The following BANK1 variants were observed in gnomAD, a reference collection of about 807,000 sequenced individuals.
BANK1 encodes the protein B-cell scaffold protein with ankyrin repeats.
In BANK1, 95 loss-of-function variants were observed where a neutral mutation model predicts 94.5. The ratio of observed to expected loss-of-function variants is 1.00; its 90% CI spans 0.85 to 1.19. The LOEUF is 1.19. BANK1 is among the 50% of genes most tolerant of loss of function. The pLI is 0.00. For synonymous variants in BANK1, 334 were observed against 308.4 expected (o/e 1.08, Z -0.87); for missense variants, 987 against 932.2 (o/e 1.06, Z -0.77).
At chr4:102,054,750 G>A (rs1159899255) in intron 11 of BANK1, among the ~76,000 whole-genome samples, 3 of 151,104 alleles carry the variant, frequency 2.0e-5, no homozygotes, top group Admixed American at 2.0e-4. Context: ...ATAGTAAACT[G>A]TGAAAATGGG....
In BANK1 at chr4:101,814,174, CAGTT is replaced by C. The variant is rs575095391; in HGVS notation, c.71-15627_71-15624del. On this transcript the variant is annotated intron_variant, in intron 1 of 16. Coordinates refer to ENST00000322953, the MANE Select transcript of BANK1 (RefSeq NM_017935.5). Reference sequence around the variant, plus strand: ...TGTAATTAATTGCAAGATCTCATTGCAGTTAGTTAGGAGTGTATTTATTACATCC... The same window carrying C: ...TGTAATTAATTGCAAGATCTCATTGCAGTTAGGAGTGTATTTATTACATCC... Among the ~76,000 whole-genome samples, 373 of 152,268 alleles carry C rather than the reference CAGTT, an allele frequency of 2.4e-3. 1 individual carries two copies. The highest frequency in any genetic ancestry group is 8.5e-3 in the African/African-American group (353 of 41,552).
chr4:101,851,092 T>C (rs1462846704), intron 2 of BANK1, among the ~76,000 whole-genome samples: 1 of 152,124 alleles, frequency 6.6e-6, no homozygotes, highest in Non-Finnish European at 1.5e-5. Context: ...TAAAAGCCAA[T>C]ATAGGTAGAA....
intron 15 of BANK1, among the ~76,000 whole-genome samples, chr4:102,073,043 A>AG (rs1419477305): frequency 6.6e-6 from 1 of 152,058 alleles, no homozygotes; most frequent in Non-Finnish European, 1.5e-5. Flanking sequence ...AAAATCCTGA[A>AG]TTAGAGTCTT....
chr4:101,818,918 G>C (rs1726027652), intron 1 of BANK1, among the ~76,000 whole-genome samples: 1 of 146,674 alleles, frequency 6.8e-6, no homozygotes, highest in Non-Finnish European at 1.5e-5. Context: ...GGATTCGACA[G>C]TTTCAGATAC....
At chr4:102,020,680 G>A (rs889799781) in intron 7 of BANK1, among the ~76,000 whole-genome samples, 22 of 151,982 alleles carry the variant, frequency 1.4e-4, no homozygotes, top group African/African-American at 4.8e-4. Flanking sequence ...ATTTTTGAAG[G>A]GACATTTCAA....
chr4:102,020,208 T>C (rs141952194), intron 7 of BANK1, among the ~76,000 whole-genome samples: 3,793 of 152,100 alleles, frequency 0.025, 63 homozygotes, highest in Non-Finnish European at 0.038. Context: ...GTTTTGGGAG[T>C]ACTATGGGTT....
chr4:101,901,774 T>G (rs1722294822), intron 6 of BANK1, among the ~76,000 whole-genome samples: 1 of 151,590 alleles, frequency 6.6e-6, no homozygotes, highest in Non-Finnish European at 1.5e-5. Context: ...TTTTTGTTTT[T>G]TTTTGAAACA....
chr4:101,842,463 C>A (rs536419601), intron 2 of BANK1, among the ~76,000 whole-genome samples: 1 of 152,258 alleles, frequency 6.6e-6, no homozygotes, highest in African/African-American at 2.4e-5. Flanking sequence ...TAGTACTATT[C>A]TCATTTTTAA....
At chr4:101,959,103 T>C (rs1724474855) in intron 7 of BANK1, among the ~76,000 whole-genome samples, 3 of 152,004 alleles carry the variant, frequency 2.0e-5, no homozygotes, top group South Asian at 2.1e-4. Flanking sequence ...TACTAAAAAC[T>C]ATTATTATTC....
chr4:101,881,775 T>A (rs1419534692), intron 5 of BANK1, among the ~76,000 whole-genome samples: 2 of 152,200 alleles, frequency 1.3e-5, no homozygotes, highest in East Asian at 3.9e-4. Flanking sequence ...ACAACATGGA[T>A]AGAACTGGAG....
chr4:101,967,061 G>A (rs555472274), intron 7 of BANK1, among the ~76,000 whole-genome samples: 3 of 152,200 alleles, frequency 2.0e-5, no homozygotes, highest in Admixed American at 6.6e-5. Context: ...CGTTAATTGA[G>A]CACTTACTGT....
chr4:101,853,247 C>A (rs1727558136), intron 2 of BANK1, among the ~76,000 whole-genome samples: 1 of 152,188 alleles, frequency 6.6e-6, no homozygotes, highest in Non-Finnish European at 1.5e-5. Context: ...GAAAACTTTT[C>A]TTCTCAGAAA....
At chr4:101,918,249 G>C (rs1349439247) in intron 7 of BANK1, 60 bp downstream of exon 7, 14 of 1,214,272 alleles carry the variant, frequency 1.2e-5, no homozygotes, top group Non-Finnish European at 1.5e-5. Flanking sequence ...AGAAGAGACT[G>C]TAAGAAGAAA....
chr4:102,004,794 G>A (rs979905525), intron 7 of BANK1, among the ~76,000 whole-genome samples: 1 of 152,050 alleles, frequency 6.6e-6, no homozygotes, highest in Non-Finnish European at 1.5e-5. Flanking sequence ...AAAAATTAAA[G>A]CCCTCACAGC....
At chr4:101,802,237 T>C (rs558013025) in intron 1 of BANK1, among the ~76,000 whole-genome samples, 76 of 152,350 alleles carry the variant, frequency 5.0e-4, no homozygotes, top group African/African-American at 1.7e-3. Context: ...ATTTTTGTGA[T>C]GAAGGCATTT....
At chr4:101,819,688 G>A (rs1424796063) in intron 1 of BANK1, among the ~76,000 whole-genome samples, 2 of 152,038 alleles carry the variant, frequency 1.3e-5, no homozygotes, top group Admixed American at 6.6e-5. Flanking sequence ...ATTCTCCATC[G>A]ACATCAAAAG....
At chr4:102,035,647 C>CA (rs10539905) in intron 10 of BANK1, among the ~76,000 whole-genome samples, 318 of 124,878 alleles carry the variant, frequency 2.5e-3, no homozygotes, top group East Asian at 6.2e-3. Flanking sequence ...GACTCCGTCT[C>CA]AAAAAAAAAA....
At chr4:102,025,128 A>T (rs1727039258) in intron 8 of BANK1, 73 bp from the exon 9 acceptor site, 11 of 1,492,260 alleles carry the variant, frequency 7.4e-6, no homozygotes, top group Non-Finnish European at 1.0e-5. Flanking sequence ...CTATTTCTGT[A>T]CAATTTTATA....
chr4:101,994,902 A>T (rs1456026270), intron 7 of BANK1, among the ~76,000 whole-genome samples: 1 of 152,128 alleles, frequency 6.6e-6, no homozygotes. Context: ...CTCTTTTTTT[A>T]TCCCAACTTT....
Sources: gnomAD v4.1 joint callset for allele counts (sites outside exome capture counted in the v4.1 genomes callset) on GRCh38, gnomAD v4.1.1 for gene constraint, MANE v1.5 for transcripts, NCBI Gene and HGNC (gene_info 2026-07-23, HGNC 2026-07-21) for gene names.